DLG2: variants seen among roughly 807,000 people sequenced by gnomAD.
DLG2 encodes the protein discs large MAGUK scaffold protein 2, also known as disks large homolog 2.
DLG2 carries 45 observed loss-of-function variants against 132.5 expected under a neutral mutation model. That is an observed-to-expected ratio of 0.34 (90% CI 0.27 to 0.44). DLG2 has a LOEUF of 0.44. DLG2 is among the 20% of genes least tolerant of loss of function. DLG2 has a pLI of 1.00. For missense variants in DLG2, 1,045 were observed against 1,196.9 expected (o/e 0.87, Z 1.87); for synonymous variants, 424 against 419.6 (o/e 1.01, Z -0.13).
At chr11:85,540,886 C>T (rs116097849) in intron 3 of DLG2, among the ~76,000 whole-genome samples, 1 of 152,232 alleles carries the variant, frequency 6.6e-6, no homozygotes, top group Non-Finnish European at 1.5e-5. Flanking sequence ...GCACGCCCTG[C>T]GAGGAGGATA....
At chr11:84,877,490 G>A in intron 6 of DLG2, among the ~76,000 whole-genome samples, 1 of 143,280 alleles carries the variant, frequency 7.0e-6, no homozygotes. Context: ...TGTTTTATCA[G>A]AGACTAGGAT....
intron 3 of DLG2, among the ~76,000 whole-genome samples, chr11:85,298,441 G>A (rs1415435602): frequency 2.0e-5 from 3 of 152,028 alleles, no homozygotes; most frequent in South Asian, 2.1e-4. Flanking sequence ...ATCTAATTAC[G>A]TGCCACCTGA....
intron 18 of DLG2, among the ~76,000 whole-genome samples, chr11:83,777,751 C>T (rs542523343): frequency 5.9e-5 from 9 of 152,102 alleles, no homozygotes; most frequent in Non-Finnish European, 1.2e-4. Context: ...CCCCTTCTTC[C>T]GAGTGGGTGA....
chr11:83,696,838 G>A (rs947313090), intron 18 of DLG2, among the ~76,000 whole-genome samples: 2 of 152,220 alleles, frequency 1.3e-5, no homozygotes, highest in African/African-American at 4.8e-5. Flanking sequence ...AAGTGATACT[G>A]CTATTGGAGA....
At chr11:83,625,439 A>C (rs756581113) in intron 19 of DLG2, among the ~76,000 whole-genome samples, 1 of 152,196 alleles carries the variant, frequency 6.6e-6, no homozygotes, top group African/African-American at 2.4e-5. Context: ...GTTTGCTACT[A>C]TAGAGAAAAA....
At chr11:85,102,217 G>A (rs1340480285) in intron 6 of DLG2, among the ~76,000 whole-genome samples, 1 of 152,060 alleles carries the variant, frequency 6.6e-6, no homozygotes, top group Non-Finnish European at 1.5e-5. Flanking sequence ...ATCCAAAGGA[G>A]TCATTCTGGC....
At chr11:84,015,655 G>A (rs1158044126) in intron 11 of DLG2, among the ~76,000 whole-genome samples, 1 of 152,212 alleles carries the variant, frequency 6.6e-6, no homozygotes, top group East Asian at 1.9e-4. Context: ...CTGTTCTTGT[G>A]TTAGTTTGCT....
intron 15 of DLG2, among the ~76,000 whole-genome samples, chr11:83,884,723 C>A (rs1297621888): frequency 6.6e-6 from 1 of 152,178 alleles, no homozygotes. Context: ...ACACCTCACA[C>A]AGCCAGATAC....
At chr11:84,210,778 A>G (rs144335254) in intron 8 of DLG2, among the ~76,000 whole-genome samples, 129 of 152,310 alleles carry the variant, frequency 8.5e-4, no homozygotes, top group African/African-American at 3.0e-3. Flanking sequence ...TTATGAGTTT[A>G]AGGAACGGCA....
intron 7 of DLG2, among the ~76,000 whole-genome samples, chr11:84,343,771 C>T (rs1251501295): frequency 1.3e-5 from 2 of 152,166 alleles, no homozygotes; most frequent in Non-Finnish European, 2.9e-5. Context: ...TGTTGTCACT[C>T]TTCTTACATC....
chr11:83,634,212 A>G (rs11233702), intron 18 of DLG2, among the ~76,000 whole-genome samples: 2,829 of 152,270 alleles, frequency 0.019, 39 homozygotes, highest in Non-Finnish European at 0.026. Context: ...ATTTTCAAAC[A>G]TTAAAAGTTA....
chr11:84,536,762 C>A (rs1347625616), intron 6 of DLG2, among the ~76,000 whole-genome samples: 1 of 152,172 alleles, frequency 6.6e-6, no homozygotes, highest in Non-Finnish European at 1.5e-5. Flanking sequence ...CTGCCATCTG[C>A]CAATTTAATA....
chr11:84,129,261 G>C (rs1413868756), intron 9 of DLG2, among the ~76,000 whole-genome samples: 11 of 152,202 alleles, frequency 7.2e-5, no homozygotes, highest in Middle Eastern at 3.4e-3. Context: ...TGTCCAAAGG[G>C]TGAAGTCCCT....
intron 6 of DLG2, among the ~76,000 whole-genome samples, chr11:84,854,706 C>A (rs927957504): frequency 1.3e-5 from 2 of 151,940 alleles, no homozygotes; most frequent in Non-Finnish European, 2.9e-5. Context: ...TCTGTCCCTG[C>A]CCAAAATGCC....
intron 3 of DLG2, among the ~76,000 whole-genome samples, chr11:85,392,109 T>C (rs2086847641): frequency 6.6e-6 from 1 of 152,052 alleles, no homozygotes; most frequent in Non-Finnish European, 1.5e-5. Context: ...ACAAAATTAA[T>C]GTAAAAAATT....
At chr11:85,347,100 T>C (rs1384504142) in intron 3 of DLG2, among the ~76,000 whole-genome samples, 2 of 152,106 alleles carry the variant, frequency 1.3e-5, no homozygotes, top group African/African-American at 4.8e-5. Flanking sequence ...AATATAGATG[T>C]ATGTATGTAT....
At chr11:85,160,482 T>C (rs1174286385) in intron 4 of DLG2, among the ~76,000 whole-genome samples, 1 of 152,214 alleles carries the variant, frequency 6.6e-6, no homozygotes, top group South Asian at 2.1e-4. Flanking sequence ...GGCCTGTTAT[T>C]GGGCTTTAGT....
At chr11:84,866,395 T>C (rs1165947921) in intron 6 of DLG2, among the ~76,000 whole-genome samples, 2 of 152,202 alleles carry the variant, frequency 1.3e-5, no homozygotes, top group East Asian at 3.9e-4. Context: ...AAGCTTGTAG[T>C]AAGATTTCAC....
rs930133046 is a variant in DLG2, at chr11:83,633,974, C to CA, written c.1826-650dup. On this transcript the variant is annotated intron_variant, in intron 18 of 27. Transcript: ENST00000376104. ...AAAGCAAAAAACAAAAAACAAAAAA[C>CA]AAAAAAAAACTCCATGGGAATCCCA... Among the ~76,000 whole-genome samples, 24 of 148,074 alleles carry CA rather than the reference C, an allele frequency of 1.6e-4. No homozygotes were observed. The South Asian group carries it at 1.7e-3, about 10-fold the overall frequency.
Sources: allele counts gnomAD v4.1 joint callset (sites outside exome capture counted in the v4.1 genomes callset), GRCh38; gene constraint gnomAD v4.1.1; transcripts MANE v1.5; gene names NCBI Gene and HGNC (gene_info 2026-07-23, HGNC 2026-07-21).